The following PRKCSH variants were observed in gnomAD, a reference collection of about 807,000 sequenced individuals.
PRKCSH encodes glucosidase 2 subunit beta.
Under a neutral mutation model 79.7 loss-of-function variants are expected in PRKCSH, and 42 were observed. The observed-to-expected ratio is 0.53, with a 90% CI of 0.41 to 0.68. PRKCSH has a LOEUF of 0.68. PRKCSH is among the 30% of genes least tolerant of loss of function. PRKCSH has a pLI of 0.00. For synonymous variants in PRKCSH, 325 were observed against 288.2 expected, an observed-to-expected ratio of 1.13 and a Z score of -1.29; for missense variants, 686 against 709.0, an observed-to-expected ratio of 0.97 and a Z score of 0.37.
At chr19:11,441,150 G>A (rs200924576) in intron 5 of PRKCSH, 90 bp from the exon 6 acceptor site, 6 of 1,290,142 alleles carry the variant, frequency 4.7e-6, no homozygotes, top group Admixed American at 1.7e-5. Context: ...TTGGTGGGGG[G>A]CCACAGCTGG....
Position 11,447,050 on chromosome 19 carries a change from T to C in PRKCSH, c.763-24T>C. 6.2e-7 allele frequency: 1 copy of C among 1,611,042 alleles called. No homozygotes were observed. The highest frequency in any genetic ancestry group is 1.7e-5 in the Admixed American group (1 of 60,014). On this transcript the variant is annotated intron_variant, in intron 9 of 17. Coordinates refer to ENST00000677123, the MANE Select transcript of PRKCSH (RefSeq NM_001289104.2). The surrounding 1 kb of genome is among the most constrained non-coding windows in gnomAD (Gnocchi z 5.6). ...GGGGGACACGTGGTGGCCTAGATCT[T>C]GACACCACCCCCAACACACACAGGC...
At chr19:11,441,738 A>T (rs1391758040) in intron 6 of PRKCSH, among the ~76,000 whole-genome samples, 1 of 152,144 alleles carries the variant, frequency 6.6e-6, no homozygotes, top group Non-Finnish European at 1.5e-5. Flanking sequence ...GTCAGCCAGT[A>T]GCAGCTGGAT....
chr19:11,440,568 C>CCCGTGTAGCTGGGATTACA (rs1293272188), intron 5 of PRKCSH, among the ~76,000 whole-genome samples: 1 of 152,114 alleles, frequency 6.6e-6, no homozygotes, highest in Non-Finnish European at 1.5e-5. Context: ...GCCTCAGCCT[C>CCCGTGTAGCTGGGATTACA]CCGTGTAGCT....
chr19:11,447,351 C>T lies in PRKCSH; in HGVS notation c.850-88C>T. ...AGGCCCCGCAGGAGGGGCAGAGACA[C>T]CGAGGCTGCCCCTTGGGCTGTGGTG... On this transcript the variant is annotated intron_variant, in intron 10 of 17. Transcript: ENST00000677123. The surrounding 1 kb of genome is among the most constrained non-coding windows in gnomAD (Gnocchi z 5.6). 1.4e-6 allele frequency: 2 copies of T among 1,463,238 alleles called. No homozygotes were observed. Among genetic ancestry groups the T allele is most frequent in the Non-Finnish European group, 1.9e-6 (2 of 1,060,522 alleles). 90.6% of individuals were successfully genotyped at this position (1,463,238 alleles called of 1,614,324 possible). A position where few individuals can be genotyped will look rare whatever the true frequency, so the allele number is the denominator to read the frequency against.
chr19:11,446,990 TG>T, intron 9 of PRKCSH, 83 bp from the exon 10 acceptor site: 1 of 1,435,946 alleles, frequency 7.0e-7, no homozygotes, highest in Non-Finnish European at 9.8e-7. Flanking sequence ...CTCCCGTGCC[TG>T]GCACCGCAGC....
In PRKCSH at chr19:11,447,248, C is replaced by G. The variant is rs549037351; in HGVS notation, c.849+88C>G. On this transcript the variant is annotated intron_variant, in intron 10 of 17. Coordinates refer to ENST00000677123, the MANE Select transcript of PRKCSH (RefSeq NM_001289104.2). The surrounding 1 kb of genome is among the most constrained non-coding windows in gnomAD (Gnocchi z 5.6). The stretch of plus-strand genomic sequence containing the variant: ...AAAGGAGCTGCCTCTGGTTCTGGCA[C>G]CTGGCCACCCTGGCCAGCTGGGTGG... 5 of 1,463,652 alleles carry G rather than the reference C, an allele frequency of 3.4e-6. No individual in the cohort carries two copies. The South Asian group carries it at 5.9e-5, about 17-fold the overall frequency. 90.7% of individuals were successfully genotyped at this position (1,463,652 alleles called of 1,614,324 possible). A position where few individuals can be genotyped will look rare whatever the true frequency, so the allele number is the denominator to read the frequency against.
rs1043759942 is a variant in PRKCSH at position 11,436,042 on chromosome 19, G to T, written c.-76G>T. On this transcript the variant is annotated splice_region_variant and 5_prime_UTR_variant, in exon 2 of 18. Coordinates refer to ENST00000677123, the MANE Select transcript of PRKCSH (RefSeq NM_001289104.2). The stretch of plus-strand genomic sequence containing the variant: ...CCGGGATCCGCTTTCTTCCTGCAGC[G>T]TGAAGACACAGCGCATCTCCCCGCT... 5.1e-6 allele frequency: 8 copies of T among 1,571,676 alleles called. No homozygotes were observed. Among genetic ancestry groups the T allele is most frequent in the Non-Finnish European group, 6.9e-6 (8 of 1,154,536 alleles).
intron 5 of PRKCSH, among the ~76,000 whole-genome samples, chr19:11,438,891 G>T (rs1451074624): frequency 6.6e-6 from 1 of 151,748 alleles, no homozygotes; most frequent in Non-Finnish European, 1.5e-5. Context: ...TAGTTCATAG[G>T]CATGATGATT....
At chr19:11,439,698 C>G (rs1177430199) in intron 5 of PRKCSH, among the ~76,000 whole-genome samples, 4 of 142,268 alleles carry the variant, frequency 2.8e-5, no homozygotes, top group Non-Finnish European at 6.0e-5. Flanking sequence ...TCGGCTCACT[C>G]TAACCTCTGC....
In PRKCSH at chr19:11,447,344, A is replaced by C; in HGVS notation, c.850-95A>C. The C allele has an allele frequency of 1.4e-6, 2 of 1,393,752 alleles. No homozygotes were observed. Among genetic ancestry groups the C allele is most frequent in the Non-Finnish European group, 2.0e-6 (2 of 1,012,604 alleles). The allele number at this position is 1,393,752 out of a possible 1,614,324, so 86.3% of individuals were successfully genotyped here. A position where few individuals can be genotyped will look rare whatever the true frequency, so the allele number is the denominator to read the frequency against. ...TCCCTGCAGGCCCCGCAGGAGGGGC[A>C]GAGACACCGAGGCTGCCCCTTGGGC... is the stretch of plus-strand genomic sequence containing the variant. On this transcript the variant is annotated intron_variant, in intron 10 of 17. Transcript: ENST00000677123. This position sits in a 1 kb window ranked among gnomAD's most constrained non-coding sequence, Gnocchi z 5.6.
At chr19:11,441,183 A>G in intron 5 of PRKCSH, 57 bp from the exon 6 acceptor site, 1 of 1,569,506 alleles carries the variant, frequency 6.4e-7, no homozygotes, top group Non-Finnish European at 8.8e-7. Flanking sequence ...TGGAAGAGGC[A>G]GACCTGGTGG....
At position 11,441,185 on chromosome 19, in the gene PRKCSH, AC is replaced by A. The variant is rs1263025951; in HGVS notation, c.351-53del. On this transcript the variant is annotated intron_variant, in intron 5 of 17. Coordinates refer to ENST00000677123, the MANE Select transcript of PRKCSH (RefSeq NM_001289104.2). ...GATTGAGCTATTTTGGAAGAGGCAG[AC>A]CTGGTGGATCCTAAGTGCCCCACTG... The A allele has an allele frequency of 3.2e-6, 5 of 1,571,316 alleles. No homozygotes were observed. In the African/African-American group the frequency reaches 6.7e-5, roughly 21 times the overall value.
chr19:11,448,448 C>T lies in PRKCSH; in HGVS notation c.1197-92C>T. 1.4e-6 allele frequency: 2 copies of T among 1,464,346 alleles called. No individual in the cohort carries two copies. Among genetic ancestry groups the T allele is most frequent in the East Asian group, 2.3e-5 (1 of 44,078 alleles). 90.7% of individuals were successfully genotyped at this position (1,464,346 alleles called of 1,614,324 possible). A position where few individuals can be genotyped will look rare whatever the true frequency, so the allele number is the denominator to read the frequency against. On this transcript the variant is annotated intron_variant, in intron 13 of 17. Transcript: ENST00000677123. The surrounding 1 kb of genome is among the most constrained non-coding windows in gnomAD (Gnocchi z 4.4). ...GGTGGCAGGGAGGACAGCCTGGGCA[C>T]CATTGCTCAGCCAGACCCTCCTGTG...
At position 11,448,311 on chromosome 19, in the gene PRKCSH, G is replaced by T; in HGVS notation, c.1196+20G>T. ...CATCAGGTAGCGGGGGCTGAGGAGC[G>T]GGGACACCTGTCCCACAGCGACTGC... On this transcript the variant is annotated intron_variant, in intron 13 of 17. Transcript: ENST00000677123. The surrounding 1 kb of genome is among the most constrained non-coding windows in gnomAD (Gnocchi z 4.4). The T allele has an allele frequency of 6.4e-7, 1 of 1,566,852 alleles. No homozygotes were observed. Among genetic ancestry groups the T allele is most frequent in the South Asian group, 1.2e-5 (1 of 85,386 alleles).
intron 3 of PRKCSH, among the ~76,000 whole-genome samples, chr19:11,437,602 C>T (rs1328686094): frequency 1.3e-5 from 2 of 152,214 alleles, no homozygotes; most frequent in African/African-American, 4.8e-5. Flanking sequence ...ACCCACCCGC[C>T]TCGGCCTCCC....
intron 1 of PRKCSH, 129 bp from the exon 2 acceptor site, chr19:11,435,912 G>C: frequency 1.1e-6 from 1 of 922,574 alleles, no homozygotes; most frequent in South Asian, 1.5e-5. Context: ...GGCCAGGATT[G>C]GGGAGATCGC....
At position 11,447,892 on chromosome 19, in the gene PRKCSH, G is replaced by A. The variant is rs1970396826; in HGVS notation, c.1126+103G>A. On this transcript the variant is annotated intron_variant, in intron 12 of 17. Coordinates refer to ENST00000677123, the MANE Select transcript of PRKCSH (RefSeq NM_001289104.2). The surrounding 1 kb of genome is among the most constrained non-coding windows in gnomAD (Gnocchi z 5.6). ...CTGAGCTTAGACCCTGCTCTGACTC[G>A]GCCAGCACAAGCCCCAGTATCTTGG... 15 of 1,317,518 alleles carry A rather than the reference G, an allele frequency of 1.1e-5. No individual in the cohort carries two copies. Among genetic ancestry groups the A allele is most frequent in the South Asian group, 4.4e-5 (3 of 68,574 alleles). The allele number at this position is 1,317,518 out of a possible 1,614,324, so 81.6% of individuals were successfully genotyped here. A position where few individuals can be genotyped will look rare whatever the true frequency, so the allele number is the denominator to read the frequency against.
At chr19:11,439,676 A>G (rs1298531766) in intron 5 of PRKCSH, among the ~76,000 whole-genome samples, 2 of 128,988 alleles carry the variant, frequency 1.6e-5, no homozygotes, top group Admixed American at 9.6e-5. Context: ...GATGGAGTGC[A>G]GTGGCGCGAT....
chr19:11,443,579 A>G (rs1970163017), intron 7 of PRKCSH, among the ~76,000 whole-genome samples: 1 of 150,610 alleles, frequency 6.6e-6, no homozygotes, highest in Admixed American at 6.6e-5. Context: ...GCATGGTGGC[A>G]TCTGCCTGTG....
Sources: allele counts gnomAD v4.1 joint callset (sites outside exome capture counted in the v4.1 genomes callset), GRCh38; gene constraint gnomAD v4.1.1; non-coding constraint Gnocchi (gnomAD v3.1); transcripts MANE v1.5; gene names NCBI Gene and HGNC (gene_info 2026-07-23, HGNC 2026-07-21).